The following CCDC178 variants were observed in gnomAD, a reference collection of about 807,000 sequenced individuals.
CCDC178 encodes coiled-coil domain containing 178, also known as coiled-coil domain-containing protein 178.
CCDC178 carries 126 observed loss-of-function variants against 117.4 expected under a neutral mutation model. The ratio of observed to expected loss-of-function variants is 1.07; its 90% CI spans 0.93 to 1.24. The LOEUF is 1.24. CCDC178 is among the 50% of genes most tolerant of loss of function. CCDC178 has a pLI of 0.00. For synonymous variants in CCDC178, 283 were observed against 313.4 expected, an observed-to-expected ratio of 0.90 and a Z score of 1.02; for missense variants, 1,030 against 986.9, an observed-to-expected ratio of 1.04 and a Z score of -0.59.
intron 2 of CCDC178, among the ~76,000 whole-genome samples, chr18:33,416,139 C>A (rs2063936652): frequency 2.0e-5 from 3 of 152,152 alleles, no homozygotes. Flanking sequence ...CAGAAAAAAA[C>A]TGCCCGGGCC....
At chr18:33,410,011 A>G (rs573595829) in intron 3 of CCDC178, among the ~76,000 whole-genome samples, 2 of 152,318 alleles carry the variant, frequency 1.3e-5, no homozygotes, top group South Asian at 4.1e-4. Flanking sequence ...TGTGATATGT[A>G]GTTTTATCTG....
At chr18:33,317,958 C>CA (rs1371287344) in intron 11 of CCDC178, among the ~76,000 whole-genome samples, 3 of 152,040 alleles carry the variant, frequency 2.0e-5, no homozygotes, top group Non-Finnish European at 4.4e-5. Context: ...AATGAGCACC[C>CA]AGCAGCACCG....
chr18:33,387,233 T>C (rs1252324336), intron 5 of CCDC178, among the ~76,000 whole-genome samples: 1 of 152,064 alleles, frequency 6.6e-6, no homozygotes, highest in Non-Finnish European at 1.5e-5. Context: ...GAAAAATGTA[T>C]CATGCTCATG....
intron 20 of CCDC178, among the ~76,000 whole-genome samples, chr18:33,128,499 G>A (rs965291670): frequency 1.4e-4 from 21 of 152,136 alleles, no homozygotes; most frequent in Admixed American, 1.3e-3. Context: ...CCTACTAAGT[G>A]CAATAAAGGC....
In CCDC178 at chr18:33,176,128, C is replaced by G. The variant is rs1015829951; in HGVS notation, c.2238+35768G>C. 2.6e-5 allele frequency among the ~76,000 whole-genome samples: 4 copies of G among 152,136 alleles called. No homozygotes were observed. In the South Asian group the frequency reaches 8.3e-4, roughly 32 times the overall value. The stretch of plus-strand genomic sequence containing the variant: ...TAAAGATCATGCCATCCAGGTATAA[C>G]ACCTGATAACCTTTCATTTTACTTT... On this transcript the variant is annotated intron_variant, in intron 20 of 22. Transcript: ENST00000383096.
intron 20 of CCDC178, among the ~76,000 whole-genome samples, chr18:33,110,473 A>G (rs1476477023): frequency 1.3e-5 from 2 of 151,654 alleles, no homozygotes. Context: ...TCTGGCAATT[A>G]CAAAATAAAT....
intron 2 of CCDC178, among the ~76,000 whole-genome samples, chr18:33,419,476 T>G (rs2063993558): frequency 6.6e-6 from 1 of 152,144 alleles, no homozygotes; most frequent in African/African-American, 2.4e-5. Flanking sequence ...CAAAATAAAC[T>G]ATCAACAGAG....
chr18:33,156,082 CTTTTTTTT>C (rs755685926), intron 20 of CCDC178, among the ~76,000 whole-genome samples: 3 of 98,038 alleles, frequency 3.1e-5, no homozygotes, highest in African/African-American at 8.2e-5. Context: ...CTAGAAAACA[CTTTTTTTT>C]TTTTTTTTTT....
chr18:33,006,117 C>A (rs778779304), intron 21 of CCDC178, among the ~76,000 whole-genome samples: 4 of 152,012 alleles, frequency 2.6e-5, no homozygotes, highest in Non-Finnish European at 5.9e-5. Context: ...TATTTTTAGA[C>A]TAAATGATCT....
chr18:32,968,492 T>A (rs989996652), intron 22 of CCDC178, among the ~76,000 whole-genome samples: 15 of 152,044 alleles, frequency 9.9e-5, no homozygotes, highest in African/African-American at 3.6e-4. Context: ...TTTGACACAG[T>A]GGTTTCATTT....
At position 33,412,022 on chromosome 18, in the gene CCDC178, T is replaced by G. The variant is rs1473481079; in HGVS notation, c.58+9A>C. The stretch of plus-strand genomic sequence containing the variant: ...ATTTTCAAAGAAAATCAATTTATGA[T>G]AAACTTACCTATATTGGTTTGATCA... On this transcript the variant is annotated intron_variant, in intron 3 of 22. Coordinates refer to ENST00000383096, the MANE Select transcript of CCDC178 (RefSeq NM_001105528.4). The G allele has an allele frequency of 7.2e-7, 1 of 1,388,332 alleles. No homozygotes were observed. Among genetic ancestry groups the G allele is most frequent in the Non-Finnish European group, 1.0e-6 (1 of 997,028 alleles). The allele number at this position is 1,388,332 out of a possible 1,614,324, so 86.0% of individuals were successfully genotyped here.
chr18:33,245,565 G>A lies in CCDC178; in HGVS notation c.1410-137C>T. On this transcript the variant is annotated intron_variant, in intron 14 of 22. Coordinates refer to ENST00000383096, the MANE Select transcript of CCDC178 (RefSeq NM_001105528.4). Reference sequence around the variant, plus strand: ...GCTGGATAATTAGCTAAAACTTGAAGACAGAACATGTGTCCTAGGACTCCA... The same window carrying A: ...GCTGGATAATTAGCTAAAACTTGAAAACAGAACATGTGTCCTAGGACTCCA... 4.2e-6 allele frequency: 4 copies of A among 946,526 alleles called. No individual in the cohort carries two copies. In the South Asian group the frequency reaches 1.1e-4, roughly 26 times the overall value. The allele number at this position is 946,526 out of a possible 1,614,324, so 58.6% of individuals were successfully genotyped here. A position where few individuals can be genotyped will look rare whatever the true frequency, so the allele number is the denominator to read the frequency against.
chr18:33,128,550 G>A (rs956155387), intron 20 of CCDC178, among the ~76,000 whole-genome samples: 3 of 152,120 alleles, frequency 2.0e-5, no homozygotes, highest in Non-Finnish European at 4.4e-5. Context: ...TAGAGTAGAG[G>A]ATGAATCAAC....
chr18:33,024,827 AT>A, intron 21 of CCDC178, among the ~76,000 whole-genome samples: 1 of 129,944 alleles, frequency 7.7e-6, no homozygotes, highest in East Asian at 2.2e-4. Flanking sequence ...TTTTTTTTGT[AT>A]TTTTAGTAGA....
chr18:33,127,273 T>TA (rs1188783595), intron 20 of CCDC178, among the ~76,000 whole-genome samples: 1 of 152,154 alleles, frequency 6.6e-6, no homozygotes, highest in Non-Finnish European at 1.5e-5. Flanking sequence ...ACTTTCATAG[T>TA]AACACTACAA....
At chr18:33,272,308 T>A (rs1395733500) in intron 12 of CCDC178, among the ~76,000 whole-genome samples, 1 of 151,416 alleles carries the variant, frequency 6.6e-6, no homozygotes, top group African/African-American at 2.4e-5. Flanking sequence ...CAACATGAAA[T>A]GAATAAATTC....
chr18:33,348,676 C>T (rs1356084637), intron 8 of CCDC178, among the ~76,000 whole-genome samples: 1 of 151,856 alleles, frequency 6.6e-6, no homozygotes, highest in African/African-American at 2.4e-5. Flanking sequence ...ATACACTCAT[C>T]ACCTAAACCA....
At chr18:33,299,115 G>T (rs1379076703) in intron 11 of CCDC178, among the ~76,000 whole-genome samples, 1 of 152,002 alleles carries the variant, frequency 6.6e-6, no homozygotes, top group Admixed American at 6.6e-5. Flanking sequence ...TTTTTAAAAA[G>T]TTAAAAATTT....
intron 21 of CCDC178, among the ~76,000 whole-genome samples, chr18:33,027,600 G>A (rs1187569105): frequency 6.6e-6 from 1 of 151,624 alleles, no homozygotes; most frequent in African/African-American, 2.4e-5. Flanking sequence ...TCTAATTTGA[G>A]TTCATTTTAA....
Sources: allele counts gnomAD v4.1 joint callset (sites outside exome capture counted in the v4.1 genomes callset), GRCh38; gene constraint gnomAD v4.1.1; transcripts MANE v1.5; gene names NCBI Gene and HGNC (gene_info 2026-07-23, HGNC 2026-07-21).